The following ADAMTS16 variants were observed in gnomAD, a reference collection of about 807,000 sequenced individuals.
The protein encoded by ADAMTS16 is ADAM metallopeptidase with thrombospondin type 1 motif 16, also known as A disintegrin and metalloproteinase with thrombospondin motifs 16.
Under a neutral mutation model 145.8 loss-of-function variants are expected in ADAMTS16, and 94 were observed. The observed-to-expected ratio is 0.64, with a 90% CI of 0.55 to 0.77. The LOEUF (loss-of-function observed/expected upper bound fraction) is 0.77. Among genes scored for constraint, ADAMTS16 ranks in the 30% least tolerant of loss-of-function variants. The pLI, the probability that ADAMTS16 is intolerant of heterozygous loss-of-function variation, is 0.00. For synonymous variants in ADAMTS16, 659 were observed against 604.3 expected, an observed-to-expected ratio of 1.09 and a Z score of -1.33; for missense variants, 1,585 against 1,591.5, an observed-to-expected ratio of 1.00 and a Z score of 0.07.
chr5:5,211,103 A>G (rs1431345202), intron 10 of ADAMTS16, among the ~76,000 whole-genome samples: 1 of 152,236 alleles, frequency 6.6e-6, no homozygotes, highest in Non-Finnish European at 1.5e-5. Context: ...ACCTAATAAA[A>G]TCAGTTGACA....
At chr5:5,207,596 T>A (rs1362567414) in intron 9 of ADAMTS16, among the ~76,000 whole-genome samples, 1 of 151,966 alleles carries the variant, frequency 6.6e-6, no homozygotes, top group Non-Finnish European at 1.5e-5. Context: ...GTAAGAGGAG[T>A]CATTCTTATT....
At position 5,218,940 on chromosome 5, in the gene ADAMTS16, C is replaced by T. The variant is rs147094681; in HGVS notation, c.1606-3849C>T. On this transcript the variant is annotated intron_variant, in intron 10 of 22. Coordinates refer to ENST00000274181, the MANE Select transcript of ADAMTS16 (RefSeq NM_139056.4). ...TCTGTTCCTCTGCTTCTCTTGACCA[C>T]GTTCAGCCACTGTGTGTGCCCATTA... 8.2e-3 allele frequency among the ~76,000 whole-genome samples: 1,243 copies of T among 152,314 alleles called. 13 individuals carry two copies. Among genetic ancestry groups the T allele is most frequent in the Non-Finnish European group, 0.013 (917 of 68,026 alleles).
chr5:5,215,875 T>TATATAC (rs1736422058), intron 10 of ADAMTS16, among the ~76,000 whole-genome samples: 1 of 34,890 alleles, frequency 2.9e-5, no homozygotes, highest in South Asian at 1.0e-3. Context: ...TATGTGTATA[T>TATATAC]ATATATATAT....
chr5:5,160,527 A>G (rs1170193554), intron 3 of ADAMTS16, among the ~76,000 whole-genome samples: 1 of 152,158 alleles, frequency 6.6e-6, no homozygotes, highest in Non-Finnish European at 1.5e-5. Context: ...ATAAAAATGT[A>G]GAAGAATTAT....
chr5:5,185,415 C>A (rs1164993725), intron 4 of ADAMTS16, among the ~76,000 whole-genome samples: 1 of 152,092 alleles, frequency 6.6e-6, no homozygotes, highest in Non-Finnish European at 1.5e-5. Context: ...ATTATACATG[C>A]CAAAAATATT....
intron 4 of ADAMTS16, among the ~76,000 whole-genome samples, chr5:5,182,673 C>T (rs1056970281): frequency 6.6e-6 from 1 of 152,190 alleles, no homozygotes; most frequent in Non-Finnish European, 1.5e-5. Context: ...CATAGTTTTC[C>T]TGCTGAGGTA....
At chr5:5,256,062 T>C (rs1403657893) in intron 17 of ADAMTS16, among the ~76,000 whole-genome samples, 1 of 152,370 alleles carries the variant, frequency 6.6e-6, no homozygotes, top group African/African-American at 2.4e-5. Context: ...GCTCTATTTC[T>C]GTTAATTGCT....
chr5:5,296,342 A>C (rs1739528258), intron 18 of ADAMTS16, among the ~76,000 whole-genome samples: 1 of 152,214 alleles, frequency 6.6e-6, no homozygotes, highest in South Asian at 2.1e-4. Context: ...ACAGGGAATT[A>C]AAGCATCTGT....
chr5:5,292,683 C>T (rs59338680), intron 18 of ADAMTS16, among the ~76,000 whole-genome samples: 42,945 of 151,968 alleles, frequency 0.28, 7,450 homozygotes, highest in East Asian at 0.53. Flanking sequence ...CTGCCTCCTC[C>T]AGTGTCTTCA....
intron 9 of ADAMTS16, among the ~76,000 whole-genome samples, chr5:5,203,464 G>A (rs1178934954): frequency 6.6e-6 from 1 of 152,182 alleles, no homozygotes; most frequent in African/African-American, 2.4e-5. Flanking sequence ...AGATGAATCT[G>A]TTCTCCTTAT....
At chr5:5,169,764 G>A (rs548690058) in intron 3 of ADAMTS16, among the ~76,000 whole-genome samples, 1 of 152,118 alleles carries the variant, frequency 6.6e-6, no homozygotes, top group Non-Finnish European at 1.5e-5. Context: ...TGCTGAGAGG[G>A]TGCTTACTGA....
At chr5:5,207,147 A>T (rs184843169) in intron 9 of ADAMTS16, among the ~76,000 whole-genome samples, 1 of 152,194 alleles carries the variant, frequency 6.6e-6, no homozygotes, top group African/African-American at 2.4e-5. Flanking sequence ...GGAAGAACTA[A>T]TCTCCTGACA....
chr5:5,314,424 C>A (rs1203121610), intron 21 of ADAMTS16, among the ~76,000 whole-genome samples: 1 of 152,194 alleles, frequency 6.6e-6, no homozygotes, highest in Admixed American at 6.5e-5. Flanking sequence ...GTTTGGAAGT[C>A]ACCAAGGGAA....
At chr5:5,303,179 T>G in intron 18 of ADAMTS16, 89 bp from the exon 19 acceptor site, 1 of 1,346,162 alleles carries the variant, frequency 7.4e-7, no homozygotes. Flanking sequence ...GGCTGGGAAA[T>G]CGCGCCGCTG....
rs147496185 is a variant in ADAMTS16 at position 5,227,591 on chromosome 5, A to G, written c.1701+4707A>G. Reference sequence around the variant, plus strand: ...TTTCCCCCAACCTCCTTAGCAGAAGATACAGTGCTTTCTCATCAGATTCTC... The same window carrying G: ...TTTCCCCCAACCTCCTTAGCAGAAGGTACAGTGCTTTCTCATCAGATTCTC... On this transcript the variant is annotated intron_variant, in intron 11 of 22. Transcript: ENST00000274181. 5.1e-3 allele frequency among the ~76,000 whole-genome samples: 769 copies of G among 152,096 alleles called. 9 individuals carry two copies. Among genetic ancestry groups the G allele is most frequent in the African/African-American group, 0.018 (744 of 41,482 alleles).
At chr5:5,216,113 C>T (rs1277481338) in intron 10 of ADAMTS16, among the ~76,000 whole-genome samples, 1 of 151,806 alleles carries the variant, frequency 6.6e-6, no homozygotes, top group Non-Finnish European at 1.5e-5. Flanking sequence ...TAAGGAATCT[C>T]CACACTTTTT....
At chr5:5,306,426 A>C in intron 20 of ADAMTS16, 78 bp from the exon 21 acceptor site, 2 of 1,225,402 alleles carry the variant, frequency 1.6e-6, no homozygotes, top group Non-Finnish European at 1.2e-6. Context: ...TCAAGCAGAT[A>C]TCTCTGATAT....
rs57992258 is a variant in ADAMTS16 at position 5,219,224 on chromosome 5, A to G, written c.1606-3565A>G. ...ATATCCTTCACCTTAAATGTTCATC[A>G]TTTATTTGTGTAAAGAACATCACAC... On this transcript the variant is annotated intron_variant, in intron 10 of 22. Transcript: ENST00000274181. Among the ~76,000 whole-genome samples, 8 of 152,202 alleles carry G rather than the reference A, an allele frequency of 5.3e-5. No homozygotes were observed. The East Asian group carries it at 1.5e-3, about 29-fold the overall frequency.
chr5:5,142,926 G>C (rs1288773610), intron 2 of ADAMTS16, among the ~76,000 whole-genome samples: 1 of 152,000 alleles, frequency 6.6e-6, no homozygotes, highest in Non-Finnish European at 1.5e-5. Flanking sequence ...CCTGATCTTT[G>C]GCACATCTGA....
Sources: gnomAD v4.1 joint callset for allele counts (sites outside exome capture counted in the v4.1 genomes callset) on GRCh38, gnomAD v4.1.1 for gene constraint, MANE v1.5 for transcripts, NCBI Gene and HGNC (gene_info 2026-07-23, HGNC 2026-07-21) for gene names.